The following FMN1 variants were observed in gnomAD, a reference collection of about 807,000 sequenced individuals.
FMN1 encodes formin 1.
In FMN1, 110 loss-of-function variants were observed where a neutral mutation model predicts 132.4. The ratio of observed to expected loss-of-function variants is 0.83; its 90% CI spans 0.71 to 0.97. The LOEUF is 0.97. FMN1 is among the 50% of genes least tolerant of loss of function. FMN1 has a pLI of 0.00. For missense variants in FMN1, 1,792 were observed against 1,705.3 expected (o/e 1.05, Z -0.90); for synonymous variants, 722 against 651.7 (o/e 1.11, Z -1.64).
intron 4 of FMN1, among the ~76,000 whole-genome samples, chr15:33,093,054 T>C (rs959173247): frequency 1.3e-5 from 2 of 152,238 alleles, no homozygotes; most frequent in African/African-American, 4.8e-5. Context: ...TCTGTGAACA[T>C]ACTATATAAC....
At chr15:32,994,488 C>T (rs2033648355) in intron 7 of FMN1, among the ~76,000 whole-genome samples, 2 of 152,076 alleles carry the variant, frequency 1.3e-5, no homozygotes. Context: ...TTGTCTGGAC[C>T]CATGGATCTT....
At chr15:32,783,038 G>C (rs999790478) in intron 19 of FMN1, among the ~76,000 whole-genome samples, 1 of 152,176 alleles carries the variant, frequency 6.6e-6, no homozygotes, top group East Asian at 1.9e-4. Flanking sequence ...ATAATCTACT[G>C]GGTACAAGGT....
rs938369638 is a variant in FMN1, at chr15:32,981,535, A to G, written c.2224-12058T>C. 2.3e-5 allele frequency among the ~76,000 whole-genome samples: 3 copies of G among 132,370 alleles called. No homozygotes were observed. The East Asian group carries it at 6.1e-4, about 27-fold the overall frequency. 86.8% of individuals were successfully genotyped at this position (132,370 alleles called of 152,430 possible). A position where few individuals can be genotyped will look rare whatever the true frequency, so the allele number is the denominator to read the frequency against. On this transcript the variant is annotated intron_variant, in intron 7 of 20. Transcript: ENST00000616417. The stretch of plus-strand genomic sequence containing the variant: ...TCCATCTCAAATAATAATAATAATA[A>G]TAATAATAATTATTATTATTATTAT...
intron 16 of FMN1, among the ~76,000 whole-genome samples, chr15:32,887,775 GAACTT>G: frequency 6.6e-6 from 1 of 152,280 alleles, no homozygotes. Context: ...CTGGCTGTGT[GAACTT>G]AACTTCTCTA....
At position 33,117,169 on chromosome 15, in the gene FMN1, A is replaced by G. The variant is rs1036561654; in HGVS notation, c.1868-28195T>C. 1.3e-5 allele frequency among the ~76,000 whole-genome samples: 2 copies of G among 152,160 alleles called. 1 individual carries two copies. ...AGTTTGGAGAAATTACTCCCCTCTA[A>G]CAACTCTCACGGAGTCCCCAACCCC... On this transcript the variant is annotated intron_variant, in intron 4 of 20. Transcript: ENST00000616417.
chr15:32,794,376 A>G (rs1275315062), intron 19 of FMN1, among the ~76,000 whole-genome samples: 1 of 152,300 alleles, frequency 6.6e-6, no homozygotes, highest in African/African-American at 2.4e-5. Flanking sequence ...AGGGTGAATT[A>G]TATGCCCAGA....
intron 4 of FMN1, among the ~76,000 whole-genome samples, chr15:33,099,641 A>T (rs367845002): frequency 1.3e-3 from 194 of 152,340 alleles, no homozygotes; most frequent in Non-Finnish European, 2.2e-3. Context: ...AGCATTTGTA[A>T]ATCAATAAAT....
chr15:33,013,789 A>G (rs2034877404), intron 6 of FMN1, among the ~76,000 whole-genome samples: 1 of 152,236 alleles, frequency 6.6e-6, no homozygotes, highest in Non-Finnish European at 1.5e-5. Context: ...CCAAGCTTCT[A>G]CAAAGTAGTC....
rs8039704 is a variant in FMN1, at chr15:32,792,475, A to C, written c.4130+6329T>G. ...AAAATAAAACAAACAAACAAAAAAA[A>C]CCCAAAAAAACTAGCAGTGGCAAAG... On this transcript the variant is annotated intron_variant, in intron 19 of 20. Transcript: ENST00000616417. Among the ~76,000 whole-genome samples, 30 of 149,214 alleles carry C rather than the reference A, an allele frequency of 2.0e-4. No individual in the cohort carries two copies. In the East Asian group the frequency reaches 2.4e-3, roughly 12 times the overall value.
intron 3 of FMN1, among the ~76,000 whole-genome samples, chr15:33,167,912 C>T (rs537933314): frequency 4.6e-5 from 7 of 151,988 alleles, no homozygotes; most frequent in South Asian, 2.1e-4. Context: ...GTCTCAGGGA[C>T]GACAGAGGCA....
In FMN1 at chr15:33,128,338, G is replaced by A. The variant is rs572241822; in HGVS notation, c.1867+24710C>T. Reference sequence around the variant, plus strand: ...CGACCATCAACGGGGTCTGATTCCGGGCCTGATCCTTGACGATCTCAAGGA... The same window carrying A: ...CGACCATCAACGGGGTCTGATTCCGAGCCTGATCCTTGACGATCTCAAGGA... On this transcript the variant is annotated intron_variant, in intron 4 of 20. Transcript: ENST00000616417. Among the ~76,000 whole-genome samples, 9 of 152,216 alleles carry A rather than the reference G, an allele frequency of 5.9e-5. No homozygotes were observed. The South Asian group carries it at 1.9e-3, about 32-fold the overall frequency.
At chr15:32,820,455 A>C (rs979697311) in intron 17 of FMN1, among the ~76,000 whole-genome samples, 1 of 152,214 alleles carries the variant, frequency 6.6e-6, no homozygotes, top group Admixed American at 6.5e-5. Flanking sequence ...ATAAAAATAT[A>C]AAACATTACA....
chr15:32,983,458 G>C (rs1251486563), intron 7 of FMN1, among the ~76,000 whole-genome samples: 1 of 151,988 alleles, frequency 6.6e-6, no homozygotes, highest in Non-Finnish European at 1.5e-5. Flanking sequence ...GCACATTTTT[G>C]GTGAAACCTC....
At position 32,939,448 on chromosome 15, in the gene FMN1, G is replaced by T. The variant is rs552011032; in HGVS notation, c.3139-13187C>A. Among the ~76,000 whole-genome samples, 9 of 151,476 alleles carry T rather than the reference G, an allele frequency of 5.9e-5. No individual in the cohort carries two copies. In the East Asian group the frequency reaches 1.7e-3, roughly 29 times the overall value. ...TAACAAAGATGTGGAACATGACAAA[G>T]ATTTTTTTTTTAATTTGTTATCAAC... On this transcript the variant is annotated intron_variant, in intron 9 of 20. Transcript: ENST00000616417.
intron 16 of FMN1, among the ~76,000 whole-genome samples, chr15:32,887,800 T>C (rs1423570614): frequency 1.3e-5 from 2 of 152,208 alleles, no homozygotes; most frequent in Non-Finnish European, 2.9e-5. Context: ...AAGCCTCATT[T>C]TTCTCATCTG....
At chr15:33,014,885 C>T (rs28373061) in intron 6 of FMN1, among the ~76,000 whole-genome samples, 16,139 of 152,238 alleles carry the variant, frequency 0.11, 1,097 homozygotes, top group Middle Eastern at 0.19. Context: ...CCATCACTTA[C>T]TAAATGAGTT....
chr15:33,037,054 C>T (rs1194676027), intron 6 of FMN1, among the ~76,000 whole-genome samples: 1 of 152,228 alleles, frequency 6.6e-6, no homozygotes, highest in Non-Finnish European at 1.5e-5. Flanking sequence ...CAGTGATTCA[C>T]ATCTGATTTC....
intron 6 of FMN1, among the ~76,000 whole-genome samples, chr15:33,032,807 A>G (rs1375883302): frequency 1.3e-5 from 2 of 152,152 alleles, no homozygotes; most frequent in African/African-American, 4.8e-5. Flanking sequence ...GGCCTGGTTC[A>G]AATCCTAGCT....
intron 18 of FMN1, 33 bp from the exon 19 acceptor site, chr15:32,798,986 T>C (rs369373893): frequency 3.8e-6 from 6 of 1,598,604 alleles, no homozygotes; most frequent in South Asian, 1.1e-5. Flanking sequence ...TGGAATGAGG[T>C]AGAGGTGAGA....
Sources: allele counts gnomAD v4.1 joint callset (sites outside exome capture counted in the v4.1 genomes callset), GRCh38; gene constraint gnomAD v4.1.1; transcripts MANE v1.5; gene names NCBI Gene and HGNC (gene_info 2026-07-23, HGNC 2026-07-21).